Variants in NHSL1 observed in about 807,000 individuals in gnomAD.
The protein encoded by NHSL1 is NHS like 1, also known as NHS-like protein 1.
A neutral mutation model predicts 95.0 loss-of-function variants in NHSL1; 48 were observed. The ratio of observed to expected loss-of-function variants is 0.51; its 90% confidence interval spans 0.40 to 0.64. The LOEUF is 0.64. Among genes scored for constraint, NHSL1 ranks in the 30% least tolerant of loss-of-function variants. The pLI is 0.00. For synonymous variants in NHSL1, 783 were observed against 833.9 expected, an observed-to-expected ratio of 0.94 and a Z score of 1.05; for missense variants, 1,971 against 2,077.7, an observed-to-expected ratio of 0.95 and a Z score of 1.00.
chr6:138,530,234 A>G (rs1285714500), intron 1 of NHSL1, among the ~76,000 whole-genome samples: 3 of 152,188 alleles, frequency 2.0e-5, no homozygotes, highest in Non-Finnish European at 4.4e-5. Context: ...GAGAAATGCA[A>G]ATTAAAACTG....
At chr6:138,433,802 C>T (rs1310090167) in intron 5 of NHSL1, 122 bp from the exon 6 acceptor site, 13 of 1,347,296 alleles carry the variant, frequency 9.6e-6, no homozygotes, top group Admixed American at 3.2e-5. Context: ...TTTCCTTTCT[C>T]CTGTAGGTAT....
Position 138,433,640 on chromosome 6 carries a change from C to T in NHSL1, c.705G>A (p.Val235=), listed in dbSNP as rs1046130078. ...TGQDDADGHS[V]YTPDHYSTLG... is the part of the protein sequence containing the mutation. ...GTGTAGAGTAGTGATCAGGGGTGTA[C>T]ACTGAGTGGCCATCAGCATCATCTT... is the stretch of plus-strand genomic sequence containing the variant. Residue 235 remains valine, a synonymous_variant, in exon 6 of 8, where the codon GTG becomes GTA. Coordinates refer to ENST00000343505, the MANE Select transcript of NHSL1 (RefSeq NM_001144060.2). 1.1e-5 allele frequency: 17 copies of T among 1,547,336 alleles called. No individual in the cohort carries two copies. The highest frequency in any genetic ancestry group is 4.1e-5 in the African/African-American group (3 of 72,920).
chr6:138,662,249 T>A (rs1785237175), intron 1 of NHSL1, among the ~76,000 whole-genome samples: 1 of 152,144 alleles, frequency 6.6e-6, no homozygotes, highest in African/African-American at 2.4e-5. Context: ...TTTCACAGAT[T>A]CCTTTCTGAT....
At chr6:138,630,319 A>C (rs1424430572) in intron 1 of NHSL1, among the ~76,000 whole-genome samples, 1 of 152,158 alleles carries the variant, frequency 6.6e-6, no homozygotes, top group Non-Finnish European at 1.5e-5. Context: ...CCTTGGATGA[A>C]TATCTAAATG....
chr6:138,441,482 A>C (rs1434198638), intron 5 of NHSL1, among the ~76,000 whole-genome samples: 1 of 152,242 alleles, frequency 6.6e-6, no homozygotes, highest in East Asian at 1.9e-4. Flanking sequence ...TAATAAAGGC[A>C]CCATCCAACA....
chr6:138,654,798 T>G, intron 1 of NHSL1, among the ~76,000 whole-genome samples: 1 of 152,110 alleles, frequency 6.6e-6, no homozygotes, highest in African/African-American at 2.4e-5. Context: ...AGAAAAGAAT[T>G]TTTAAAAGCT....
chr6:138,569,592 A>C (rs897010625), intron 1 of NHSL1, among the ~76,000 whole-genome samples: 2 of 152,214 alleles, frequency 1.3e-5, no homozygotes, highest in Admixed American at 6.5e-5. Flanking sequence ...GCTTCTAAGA[A>C]AAAACTTCAT....
chr6:138,505,704 T>C (rs981790859), intron 1 of NHSL1, among the ~76,000 whole-genome samples: 1 of 149,866 alleles, frequency 6.7e-6, no homozygotes, highest in African/African-American at 2.5e-5. Flanking sequence ...ATGAAGATCA[T>C]TATTTTCTTC....
intron 1 of NHSL1, among the ~76,000 whole-genome samples, chr6:138,511,772 C>T (rs1781242873): frequency 6.6e-6 from 1 of 152,146 alleles, no homozygotes. Context: ...CCCGTCTCTA[C>T]AAAAAATACA....
At chr6:138,657,672 G>A (rs148076599) in intron 1 of NHSL1, among the ~76,000 whole-genome samples, 3,264 of 151,786 alleles carry the variant, frequency 0.022, 35 homozygotes, top group Middle Eastern at 0.066. Context: ...AAAATTAGCC[G>A]GGCTTGGTGG....
At chr6:138,630,080 T>C (rs1784797781) in intron 1 of NHSL1, among the ~76,000 whole-genome samples, 1 of 152,316 alleles carries the variant, frequency 6.6e-6, no homozygotes, top group East Asian at 1.9e-4. Context: ...CCTGGCATGG[T>C]GGCACATGCC....
intron 1 of NHSL1, among the ~76,000 whole-genome samples, chr6:138,663,378 T>C (rs1320317291): frequency 6.6e-6 from 1 of 151,760 alleles, no homozygotes; most frequent in East Asian, 1.9e-4. Context: ...CTGATCAACA[T>C]GGAGAAACCC....
intron 2 of NHSL1, among the ~76,000 whole-genome samples, chr6:138,480,130 G>A (rs1779324763): frequency 6.6e-6 from 1 of 152,204 alleles, no homozygotes; most frequent in African/African-American, 2.4e-5. Flanking sequence ...ACTGACGGAA[G>A]CAGCAGTCAT....
chr6:138,630,268 G>T (rs1784801562), intron 1 of NHSL1, among the ~76,000 whole-genome samples: 1 of 151,916 alleles, frequency 6.6e-6, no homozygotes, highest in African/African-American at 2.4e-5. Flanking sequence ...TACATACGTT[G>T]ATTATTTTTT....
chr6:138,656,659 G>A (rs1404928369), intron 1 of NHSL1, among the ~76,000 whole-genome samples: 1 of 152,200 alleles, frequency 6.6e-6, no homozygotes, highest in Non-Finnish European at 1.5e-5. Context: ...TTAAAACATG[G>A]TGTGTAAGGA....
chr6:138,496,376 A>G lies in NHSL1; in HGVS notation c.59-5T>C. On this transcript the variant is annotated splice_region_variant and splice_polypyrimidine_tract_variant and intron_variant, in intron 1 of 7. Transcript: ENST00000343505. ...CCTCATCTAGGTTGGAAACCGCTATAGAAAAAAAGATAGAATACATTCAGG... is the reference window on the plus strand; with the variant it reads ...CCTCATCTAGGTTGGAAACCGCTATGGAAAAAAAGATAGAATACATTCAGG... The G allele has an allele frequency of 1.9e-6, 3 of 1,549,960 alleles. No individual in the cohort carries two copies. Among genetic ancestry groups the G allele is most frequent in the Non-Finnish European group, 1.7e-6 (2 of 1,146,808 alleles).
intron 3 of NHSL1, among the ~76,000 whole-genome samples, chr6:138,466,023 C>CACTGG (rs1778344202): frequency 6.8e-6 from 1 of 146,736 alleles, no homozygotes; most frequent in African/African-American, 2.6e-5. Context: ...TGCGCCTGGC[C>CACTGG]CCACATACAC....
chr6:138,598,365 G>A (rs181183714), intron 1 of NHSL1, among the ~76,000 whole-genome samples: 1 of 152,092 alleles, frequency 6.6e-6, no homozygotes, highest in Non-Finnish European at 1.5e-5. Flanking sequence ...GGCTAAGGCA[G>A]GAGAATCGCT....
At chr6:138,689,911 G>A (rs970770054) in intron 1 of NHSL1, among the ~76,000 whole-genome samples, 3 of 152,088 alleles carry the variant, frequency 2.0e-5, no homozygotes, top group African/African-American at 7.2e-5. Flanking sequence ...GTCTCCCAAA[G>A]TGCTGGGATT....
Sources: allele counts gnomAD v4.1 joint callset (sites outside exome capture counted in the v4.1 genomes callset), GRCh38; gene constraint gnomAD v4.1.1; transcripts MANE v1.5; gene names NCBI Gene and HGNC (gene_info 2026-07-23, HGNC 2026-07-21).